The following IKZF1 variants were observed in gnomAD, a reference collection of about 807,000 sequenced individuals.
The protein encoded by IKZF1 is IKAROS family zinc finger 1.
Under a neutral mutation model 51.7 loss-of-function variants are expected in IKZF1, and 10 were observed. That is an observed-to-expected ratio of 0.19 (90% CI 0.12 to 0.33). The LOEUF (loss-of-function observed/expected upper bound fraction) is 0.33, where lower values mean the gene tolerates loss of function less well. Among genes scored for constraint, IKZF1 ranks in the 10% least tolerant of loss-of-function variants. The pLI, the probability that IKZF1 is intolerant of heterozygous loss-of-function variation, is 1.00. For synonymous variants in IKZF1, 280 were observed against 282.3 expected (o/e 0.99, Z 0.08); for missense variants, 484 against 707.5 (o/e 0.68, Z 3.58).
intron 4 of IKZF1, among the ~76,000 whole-genome samples, chr7:50,378,809 T>C (rs2153472906): frequency 6.6e-6 from 1 of 152,310 alleles, no homozygotes; most frequent in African/African-American, 2.4e-5. Flanking sequence ...CCTTGCCCTT[T>C]GTTAAAAAAA....
rs867248224 is a variant in IKZF1, at chr7:50,400,909, G to C, written c.*282G>C. The C allele has an allele frequency of 6.1e-6, 3 of 494,134 alleles. No individual in the cohort carries two copies. The highest frequency in any genetic ancestry group is 4.9e-5 in the South Asian group (2 of 40,688). The allele number at this position is 494,134 out of a possible 1,614,324, so 30.6% of individuals were successfully genotyped here. On this transcript the variant is annotated 3_prime_UTR_variant, in exon 8 of 8. Transcript: ENST00000331340. This position sits in a 1 kb window ranked among gnomAD's most constrained non-coding sequence, Gnocchi z 5.4. ...GCTGGCTGAGATTCCCTCACCTGTC[G>C]CTTCCTAGAATCCCCTTCTCCAAAC...
At chr7:50,381,258 A>G (rs1217492829) in intron 4 of IKZF1, among the ~76,000 whole-genome samples, 1 of 152,230 alleles carries the variant, frequency 6.6e-6, no homozygotes, top group African/African-American at 2.4e-5. Context: ...CACATTAATC[A>G]ATCGGGAAAT....
At chr7:50,313,036 C>T (rs1790572235) in intron 1 of IKZF1, among the ~76,000 whole-genome samples, 2 of 152,324 alleles carry the variant, frequency 1.3e-5, no homozygotes, top group South Asian at 4.1e-4. Context: ...TTCTCTCAAC[C>T]TGTTTTGTCA....
At chr7:50,356,908 C>T (rs1049939530) in intron 3 of IKZF1, among the ~76,000 whole-genome samples, 3 of 151,458 alleles carry the variant, frequency 2.0e-5, no homozygotes, top group African/African-American at 7.3e-5. Context: ...CGGAAGATCA[C>T]GGGGTGGCAG....
intron 2 of IKZF1, among the ~76,000 whole-genome samples, chr7:50,326,980 A>G (rs574946643): frequency 2.0e-5 from 3 of 152,370 alleles, no homozygotes; most frequent in African/African-American, 7.2e-5. Context: ...ACAAATTGAC[A>G]GGAGGGTGTG....
At chr7:50,377,611 G>A (rs923606972) in intron 4 of IKZF1, among the ~76,000 whole-genome samples, 1 of 152,252 alleles carries the variant, frequency 6.6e-6, no homozygotes, top group Admixed American at 6.5e-5. Flanking sequence ...GTTGATGGAA[G>A]TGTCACAGAG....
chr7:50,397,442 A>G (rs1022430604), intron 7 of IKZF1, among the ~76,000 whole-genome samples: 1 of 152,206 alleles, frequency 6.6e-6, no homozygotes, highest in Non-Finnish European at 1.5e-5. Flanking sequence ...TTGTTGTGAT[A>G]CCAAGTTTGA....
In IKZF1 at chr7:50,400,493, A is replaced by G. The variant is rs751951646; in HGVS notation, c.1426A>G (p.Met476Val). The G allele has an allele frequency of 1.2e-6, 2 of 1,614,036 alleles. No individual in the cohort carries two copies. The highest frequency in any genetic ancestry group is 8.5e-7 in the Non-Finnish European group (1 of 1,179,948). The part of the protein sequence containing the change: ...HCRVLFLDHV[M>V]YTIHMGCHGF... ...CCGGGTGCTCTTCCTGGATCACGTC[A>G]TGTACACCATCCACATGGGCTGCCA... Residue 476 changes from methionine (M) to valine (V), a missense_variant, in exon 8 of 8, where the codon ATG (methionine) becomes GTG (valine). By Grantham distance (21) the Met-to-Val change is conservative. This residue lies in a region of IKZF1 where 42 missense variants were observed against 84.4 expected (regional missense o/e 0.50). Coordinates refer to ENST00000331340, the MANE Select transcript of IKZF1 (RefSeq NM_006060.6). The surrounding 1 kb of genome is among the most constrained non-coding windows in gnomAD (Gnocchi z 5.4).
At chr7:50,304,263 G>GGGGAC (rs1562692711), upstream of IKZF1, 1 of 150,050 alleles carries the variant, frequency 6.7e-6, no homozygotes, top group Admixed American at 6.6e-5. Context: ...GCGACGGGGC[G>GGGGAC]GGGACGGGAC....
At chr7:50,384,785 T>A (rs1409410842) in intron 5 of IKZF1, among the ~76,000 whole-genome samples, 1 of 152,226 alleles carries the variant, frequency 6.6e-6, no homozygotes, top group African/African-American at 2.4e-5. Flanking sequence ...ATAGACACAG[T>A]TGGCAGCAAT....
chr7:50,402,954 T>C lies in IKZF1; in HGVS notation c.*2327T>C. On this transcript the variant is annotated 3_prime_UTR_variant, in exon 8 of 8. Transcript: ENST00000331340. ...TGAGAGCCTTCTTAGAGTCAGTTTG[T>C]TGCAAATTTCACCTACTCTGTTCTT... 4.4e-6 allele frequency: 1 copy of C among 228,766 alleles called. No individual in the cohort carries two copies. The highest frequency in any genetic ancestry group is 8.7e-6 in the Non-Finnish European group (1 of 115,144). The allele number at this position is 228,766 out of a possible 1,614,324, so 14.2% of individuals were successfully genotyped here.
At chr7:50,304,542 G>C (rs1429661052), upstream of IKZF1, 2 of 150,554 alleles carry the variant, frequency 1.3e-5, no homozygotes, top group African/African-American at 2.4e-5. Flanking sequence ...TACGGGGCCC[G>C]CGGGCGGCGC....
chr7:50,344,211 A>T (rs1758636595), intron 3 of IKZF1, among the ~76,000 whole-genome samples: 1 of 152,216 alleles, frequency 6.6e-6, no homozygotes, highest in Admixed American at 6.5e-5. Context: ...TTTTTTCCTA[A>T]GTATATGACA....
chr7:50,348,726 C>T (rs1278284112), intron 3 of IKZF1, among the ~76,000 whole-genome samples: 1 of 152,218 alleles, frequency 6.6e-6, no homozygotes, highest in Non-Finnish European at 1.5e-5. Context: ...TTGAGATGGT[C>T]ATGGCAGAGC....
chr7:50,388,288 T>A (rs776989791), intron 6 of IKZF1, among the ~76,000 whole-genome samples: 1 of 152,242 alleles, frequency 6.6e-6, no homozygotes, highest in Non-Finnish European at 1.5e-5. Context: ...CACTAGACTG[T>A]GAGTCGAAAT....
In IKZF1 at chr7:50,400,178, G is replaced by A. The variant is rs1817779406; in HGVS notation, c.1111G>A (p.Glu371Lys). The A allele has an allele frequency of 6.4e-7, 1 of 1,568,094 alleles. No individual in the cohort carries two copies. Among genetic ancestry groups the A allele is most frequent in the Non-Finnish European group, 8.6e-7 (1 of 1,158,052 alleles). Residue 371 changes from glutamate (E) to lysine (K), a missense_variant, in exon 8 of 8, where the codon GAG becomes AAG. Glu to Lys is a moderately conservative substitution (Grantham distance 56). This residue lies in a region of IKZF1 where 172 missense variants were observed against 192.7 expected (regional missense o/e 0.89). Transcript: ENST00000331340. This position sits in a 1 kb window ranked among gnomAD's most constrained non-coding sequence, Gnocchi z 5.4. ...SNHSAQDSAV[E>K]NLLLLSKAKL... is the part of the protein sequence containing the mutation. ...CCACTCGGCCCAGGACAGCGCCGTG[G>A]AGAACCTGCTGCTGCTCTCCAAGGC...
chr7:50,314,059 C>A (rs902748271), intron 1 of IKZF1, among the ~76,000 whole-genome samples: 3 of 152,216 alleles, frequency 2.0e-5, no homozygotes, highest in Non-Finnish European at 4.4e-5. Flanking sequence ...TGCTTAAAAG[C>A]AAACCAACAG....
At chr7:50,385,225 G>A (rs1813011886) in intron 5 of IKZF1, among the ~76,000 whole-genome samples, 1 of 152,086 alleles carries the variant, frequency 6.6e-6, no homozygotes, top group African/African-American at 2.4e-5. Context: ...TGCTCTTGGG[G>A]AAAAAAACAG....
intron 1 of IKZF1, among the ~76,000 whole-genome samples, chr7:50,317,442 T>C (rs1247303480): frequency 5.3e-5 from 8 of 152,222 alleles, no homozygotes; most frequent in Admixed American, 3.3e-4. Flanking sequence ...TTTCCCCTTT[T>C]TTACAGTAAA....
Sources: gnomAD v4.1 joint callset for allele counts (sites outside exome capture counted in the v4.1 genomes callset) on GRCh38, gnomAD v4.1.1 for gene constraint, gnomAD v4.1.1 regional missense constraint, Gnocchi (gnomAD v3.1) non-coding constraint, MANE v1.5 for transcripts, NCBI Gene and HGNC (gene_info 2026-07-23, HGNC 2026-07-21) for gene names.